Variants in CSMD1 observed in about 807,000 individuals in gnomAD.
The protein encoded by CSMD1 is CUB and sushi domain-containing protein 1.
In CSMD1, 213 loss-of-function variants were observed where a neutral mutation model predicts 417.5. That is an observed-to-expected ratio of 0.51 (90% CI 0.46 to 0.57). The LOEUF is 0.57. Ranked by LOEUF, CSMD1 falls within the 20% of genes least tolerant of loss-of-function variation. The probability of loss-of-function intolerance (pLI) is 0.00; values close to 1 mark genes in which losing one functional copy is unlikely to be tolerated. For synonymous variants in CSMD1, 2,862 were observed against 1,736.8 expected (o/e 1.65, Z -16.11); for missense variants, 6,923 against 4,529.7 (o/e 1.53, Z -15.17).
At chr8:4,716,078 C>G (rs1380711717) in intron 1 of CSMD1, among the ~76,000 whole-genome samples, 4 of 152,146 alleles carry the variant, frequency 2.6e-5, no homozygotes, top group East Asian at 1.9e-4. Flanking sequence ...GCTGTTAGAG[C>G]TGGGTTGGGG....
intron 12 of CSMD1, among the ~76,000 whole-genome samples, chr8:3,462,573 A>G (rs1024941110): frequency 2.6e-5 from 4 of 152,212 alleles, no homozygotes; most frequent in African/African-American, 7.2e-5. Flanking sequence ...CCCATCACCC[A>G]GATGGGACTG....
chr8:3,098,273 T>A (rs1388448264), intron 46 of CSMD1, among the ~76,000 whole-genome samples: 4 of 152,234 alleles, frequency 2.6e-5, no homozygotes, highest in Admixed American at 2.6e-4. Context: ...TATCGCCTTT[T>A]AATTAGTTAA....
intron 5 of CSMD1, among the ~76,000 whole-genome samples, chr8:3,905,356 A>G (rs756882330): frequency 3.9e-5 from 6 of 152,176 alleles, no homozygotes; most frequent in Non-Finnish European, 7.4e-5. Flanking sequence ...TGATCATCTA[A>G]AAAAAGTTCT....
At chr8:4,455,760 G>A (rs535673411) in intron 2 of CSMD1, among the ~76,000 whole-genome samples, 18 of 150,960 alleles carry the variant, frequency 1.2e-4, no homozygotes, top group Admixed American at 4.0e-4. Context: ...GTGAAACCCC[G>A]TCTCTACTAA....
At chr8:4,316,353 T>C (rs1331810550) in intron 3 of CSMD1, among the ~76,000 whole-genome samples, 2 of 152,140 alleles carry the variant, frequency 1.3e-5, no homozygotes, top group Non-Finnish European at 2.9e-5. Context: ...TCTTAGGTTA[T>C]GGTCTTATAC....
At chr8:3,613,343 A>G in intron 8 of CSMD1, 1 of 400,532 alleles carries the variant, frequency 2.5e-6, no homozygotes, top group South Asian at 1.8e-5. Context: ...TTAGCAATGA[A>G]ATATTAACAA....
intron 3 of CSMD1, among the ~76,000 whole-genome samples, chr8:4,344,098 C>T (rs956296810): frequency 6.6e-6 from 1 of 152,092 alleles, no homozygotes; most frequent in Non-Finnish European, 1.5e-5. Context: ...TATACCAGCA[C>T]CTCGAGTAAA....
chr8:4,586,664 T>C (rs1799715919), intron 2 of CSMD1, among the ~76,000 whole-genome samples: 1 of 152,184 alleles, frequency 6.6e-6, no homozygotes, highest in Non-Finnish European at 1.5e-5. Flanking sequence ...AAAATCCCTT[T>C]TTGTTTTATT....
At chr8:4,010,311 G>A (rs972320403) in intron 4 of CSMD1, among the ~76,000 whole-genome samples, 1 of 152,026 alleles carries the variant, frequency 6.6e-6, no homozygotes, top group Non-Finnish European at 1.5e-5. Flanking sequence ...GGCACCCTCT[G>A]CCTTGTAGTC....
rs185815896 is a variant in CSMD1, at chr8:4,207,306, G to A, written c.416-175207C>T. On this transcript the variant is annotated intron_variant, in intron 3 of 69. Transcript: ENST00000635120. Reference sequence around the variant, plus strand: ...TATGGCTGGTCTAAACCATGTTAACGTTAACTTTTAGTGGCTAGGACTCGT... The same window carrying A: ...TATGGCTGGTCTAAACCATGTTAACATTAACTTTTAGTGGCTAGGACTCGT... Among the ~76,000 whole-genome samples, 185 of 152,230 alleles carry A rather than the reference G, an allele frequency of 1.2e-3. 1 individual carries two copies. Among genetic ancestry groups the A allele is most frequent in the South Asian group, 9.9e-3 (48 of 4,826 alleles).
chr8:3,296,475 C>T (rs114176938), intron 25 of CSMD1, among the ~76,000 whole-genome samples: 4,728 of 152,022 alleles, frequency 0.031, 137 homozygotes, highest in African/African-American at 0.077. Context: ...GATGATACAC[C>T]GATGCGGGAT....
chr8:4,860,224 A>T (rs1206956527), intron 1 of CSMD1, among the ~76,000 whole-genome samples: 1 of 130,820 alleles, frequency 7.6e-6, no homozygotes, highest in East Asian at 2.5e-4. Context: ...GATCACATGG[A>T]CACAGGAAGG....
chr8:3,675,355 C>G (rs565826991), intron 7 of CSMD1, among the ~76,000 whole-genome samples: 1 of 152,266 alleles, frequency 6.6e-6, no homozygotes, highest in South Asian at 2.1e-4. Flanking sequence ...CATGTAGCCT[C>G]CATAGTAAGG....
At chr8:4,252,874 A>T (rs1176496308) in intron 3 of CSMD1, among the ~76,000 whole-genome samples, 1 of 152,326 alleles carries the variant, frequency 6.6e-6, no homozygotes, top group African/African-American at 2.4e-5. Context: ...AGTGAAAGGC[A>T]AAGAGAATTT....
intron 46 of CSMD1, among the ~76,000 whole-genome samples, chr8:3,105,249 T>G (rs1430957599): frequency 6.6e-6 from 1 of 152,220 alleles, no homozygotes; most frequent in African/African-American, 2.4e-5. Context: ...AGCTGCCTGA[T>G]GGGGTGACTC....
chr8:3,780,353 G>C (rs377358622), intron 5 of CSMD1, among the ~76,000 whole-genome samples: 12 of 152,316 alleles, frequency 7.9e-5, no homozygotes, highest in African/African-American at 2.2e-4. Context: ...GAATTTGGAA[G>C]CATTGCAAAC....
rs114961996 is a variant in CSMD1 at position 4,084,455 on chromosome 8, G to T, written c.416-52356C>A. Among the ~76,000 whole-genome samples the T allele has an allele frequency of 2.0e-5, 3 of 151,818 alleles. No individual in the cohort carries two copies. In the South Asian group the frequency reaches 6.2e-4, roughly 31 times the overall value. On this transcript the variant is annotated intron_variant, in intron 3 of 69. Coordinates refer to ENST00000635120, the MANE Select transcript of CSMD1 (RefSeq NM_033225.6). Reference sequence around the variant, plus strand: ...TTTCCACCCTTTACATGATTTTGTTGTAATTGCTAAATCATTTAAAACATC... The same window carrying T: ...TTTCCACCCTTTACATGATTTTGTTTTAATTGCTAAATCATTTAAAACATC...
chr8:4,080,370 A>C (rs916889054), intron 3 of CSMD1, among the ~76,000 whole-genome samples: 1 of 152,240 alleles, frequency 6.6e-6, no homozygotes, highest in Non-Finnish European at 1.5e-5. Context: ...CTACACAAAC[A>C]GGTATCAGAA....
intron 3 of CSMD1, among the ~76,000 whole-genome samples, chr8:4,342,784 G>T (rs2128896023): frequency 6.6e-6 from 1 of 152,092 alleles, no homozygotes; most frequent in South Asian, 2.1e-4. Flanking sequence ...ACAAGCTCAA[G>T]GGACTTGGAA....
Sources: allele counts gnomAD v4.1 joint callset (sites outside exome capture counted in the v4.1 genomes callset), GRCh38; gene constraint gnomAD v4.1.1; transcripts MANE v1.5; gene names NCBI Gene and HGNC (gene_info 2026-07-23, HGNC 2026-07-21).